DOCK2: variants seen among roughly 807,000 people sequenced by gnomAD.
DOCK2 encodes the protein dedicator of cytokinesis 2, also known as dedicator of cytokinesis protein 2.
DOCK2 carries 87 observed loss-of-function variants against 248.9 expected under a neutral mutation model. The ratio of observed to expected loss-of-function variants is 0.35; its 90% CI spans 0.29 to 0.42. The LOEUF (loss-of-function observed/expected upper bound fraction) is 0.42, where lower values mean the gene tolerates loss of function less well. DOCK2 is among the 10% of genes least tolerant of loss of function. DOCK2 has a pLI of 1.00. For missense variants in DOCK2, 1,747 were observed against 2,300.2 expected, an observed-to-expected ratio of 0.76 and a Z score of 4.92; for synonymous variants, 805 against 821.6, an observed-to-expected ratio of 0.98 and a Z score of 0.35.
chr5:169,811,085 G>A (rs751355119), intron 26 of DOCK2, among the ~76,000 whole-genome samples: 5 of 152,038 alleles, frequency 3.3e-5, no homozygotes, highest in African/African-American at 4.8e-5. Context: ...CATCTTAGCT[G>A]TGTTAGAATC....
chr5:169,832,838 A>C (rs558312441), intron 26 of DOCK2, among the ~76,000 whole-genome samples: 1 of 151,270 alleles, frequency 6.6e-6, no homozygotes, highest in South Asian at 2.1e-4. Context: ...AAGAATATAC[A>C]TTCTTTCTCT....
At chr5:169,870,719 C>T (rs1007530993) in intron 27 of DOCK2, among the ~76,000 whole-genome samples, 3 of 152,028 alleles carry the variant, frequency 2.0e-5, no homozygotes, top group African/African-American at 7.2e-5. Flanking sequence ...CATCATTTAG[C>T]ATTAGGTCTG....
At chr5:169,810,265 T>TTCTTGTGCGCTG (rs1767656296) in intron 26 of DOCK2, among the ~76,000 whole-genome samples, 1 of 152,172 alleles carries the variant, frequency 6.6e-6, no homozygotes, top group African/African-American at 2.4e-5. Flanking sequence ...TTGCCTTCTT[T>TTCTTGTGCGCTG]AGATGTCAGG....
intron 27 of DOCK2, among the ~76,000 whole-genome samples, chr5:169,903,051 T>C (rs1043092863): frequency 2.0e-5 from 3 of 150,640 alleles, no homozygotes; most frequent in African/African-American, 4.9e-5. Context: ...TGAGCTGAGA[T>C]CACGCCACTG....
intron 13 of DOCK2, among the ~76,000 whole-genome samples, chr5:169,701,430 G>A (rs1760963189): frequency 6.6e-6 from 1 of 152,052 alleles, no homozygotes; most frequent in South Asian, 2.1e-4. Context: ...GGCCTGTGCT[G>A]TCATTTATTT....
chr5:170,069,045 CT>C, intron 45 of DOCK2, 91 bp from the exon 46 acceptor site: 1 of 1,153,318 alleles, frequency 8.7e-7, no homozygotes, highest in Non-Finnish European at 1.3e-6. Flanking sequence ...ATCCTTGCCC[CT>C]TTCAAATTGA....
At chr5:169,883,832 ACT>A (rs1214543548) in intron 27 of DOCK2, 1 of 1,547,254 alleles carries the variant, frequency 6.5e-7, no homozygotes. Context: ...TGTTTCACAA[ACT>A]CCACTGATTC....
chr5:169,661,679 C>CT (rs557795329), intron 2 of DOCK2, among the ~76,000 whole-genome samples: 47 of 152,046 alleles, frequency 3.1e-4, no homozygotes, highest in East Asian at 7.7e-4. Context: ...ATATTTGACT[C>CT]TTTTTTTTGT....
intron 25 of DOCK2, among the ~76,000 whole-genome samples, chr5:169,776,378 T>C (rs960476243): frequency 6.6e-6 from 1 of 151,990 alleles, no homozygotes; most frequent in Non-Finnish European, 1.5e-5. Flanking sequence ...TTGCCCAGGC[T>C]GGTCTTGAAT....
intron 27 of DOCK2, among the ~76,000 whole-genome samples, chr5:169,961,549 C>G (rs1046982592): frequency 5.3e-5 from 8 of 152,178 alleles, no homozygotes; most frequent in African/African-American, 1.9e-4. Context: ...ACATGGTGGA[C>G]TAAGCAGACA....
intron 27 of DOCK2, among the ~76,000 whole-genome samples, chr5:169,972,542 CAGATAGATAGAT>C (rs143089504): frequency 0.014 from 2,038 of 141,346 alleles, 32 homozygotes; most frequent in South Asian, 0.057. Flanking sequence ...CACTGTGAGA[CAGATAGATAGAT>C]AGATAGATAG....
intron 46 of DOCK2, among the ~76,000 whole-genome samples, chr5:170,073,097 A>G (rs1757733246): frequency 6.6e-6 from 1 of 152,170 alleles, no homozygotes; most frequent in Non-Finnish European, 1.5e-5. Context: ...GATCATGAAG[A>G]TATTCTCCTA....
At chr5:169,708,061 G>T (rs1761372455) in intron 14 of DOCK2, 108 bp from the exon 15 acceptor site, 6 of 1,091,650 alleles carry the variant, frequency 5.5e-6, no homozygotes, top group East Asian at 2.6e-5. Flanking sequence ...GGGAAGGCAG[G>T]GTTGGCCCAG....
intron 8 of DOCK2, among the ~76,000 whole-genome samples, chr5:169,686,562 C>T (rs763406643): frequency 2.2e-4 from 34 of 152,160 alleles, no homozygotes; most frequent in Non-Finnish European, 4.6e-4. Flanking sequence ...AGGCACAATG[C>T]AGGAAGGAGG....
intron 27 of DOCK2, 22 bp downstream of exon 27, chr5:169,840,874 GT>G: frequency 6.2e-7 from 1 of 1,611,004 alleles, no homozygotes; most frequent in Non-Finnish European, 8.5e-7. Flanking sequence ...ATTTCTTCTT[GT>G]CAAATGTTGC....
At chr5:169,844,979 A>G (rs935372119) in intron 27 of DOCK2, among the ~76,000 whole-genome samples, 4 of 151,944 alleles carry the variant, frequency 2.6e-5, no homozygotes, top group African/African-American at 9.7e-5. Flanking sequence ...TACTCAGCAC[A>G]AAGACTCAGA....
chr5:169,761,407 C>T lies in DOCK2; in HGVS notation c.2448-112C>T, dbSNP rs1764480919. ...GCTTACCTTGCACCTCATGCTCTGC[C>T]AGGACTTGGGGGTTTCCCAGAGCTA... On this transcript the variant is annotated intron_variant, in intron 24 of 51. Coordinates refer to ENST00000520908, the MANE Select transcript of DOCK2 (RefSeq NM_004946.3). The T allele has an allele frequency of 1.4e-5, 11 of 807,580 alleles. No homozygotes were observed. The South Asian group carries it at 1.7e-4, about 12-fold the overall frequency. The allele number at this position is 807,580 out of a possible 1,614,324, so 50.0% of individuals were successfully genotyped here.
intron 26 of DOCK2, among the ~76,000 whole-genome samples, chr5:169,839,753 T>C (rs1769827581): frequency 6.6e-6 from 1 of 152,192 alleles, no homozygotes; most frequent in Admixed American, 6.5e-5. Context: ...ACCATGTGGT[T>C]ACCATTATGT....
chr5:169,676,196 C>T (rs1290502619), intron 6 of DOCK2, among the ~76,000 whole-genome samples: 1 of 152,170 alleles, frequency 6.6e-6, no homozygotes, highest in Admixed American at 6.5e-5. Flanking sequence ...GGGGTAGGTG[C>T]TCTTGAAGGC....
Sources: allele counts gnomAD v4.1 joint callset (sites outside exome capture counted in the v4.1 genomes callset), GRCh38; gene constraint gnomAD v4.1.1; transcripts MANE v1.5; gene names NCBI Gene and HGNC (gene_info 2026-07-23, HGNC 2026-07-21).